The following EIF4ENIF1 variants were observed in gnomAD, a reference collection of about 807,000 sequenced individuals.
The protein encoded by EIF4ENIF1 is eukaryotic translation initiation factor 4E transporter.
In EIF4ENIF1, 23 loss-of-function variants were observed where a neutral mutation model predicts 110.5. The observed-to-expected ratio is 0.21, with a 90% confidence interval of 0.15 to 0.29. EIF4ENIF1 has a LOEUF of 0.29. Among genes scored for constraint, EIF4ENIF1 ranks in the 10% least tolerant of loss-of-function variants. EIF4ENIF1 has a pLI of 1.00. For synonymous variants in EIF4ENIF1, 440 were observed against 437.0 expected (o/e 1.01, Z -0.09); for missense variants, 1,031 against 1,221.1 (o/e 0.84, Z 2.32).
chr22:31,456,223 CT>C (rs36001621), intron 7 of EIF4ENIF1, among the ~76,000 whole-genome samples: 25,286 of 130,632 alleles, frequency 0.19, 1,476 homozygotes, highest in East Asian at 0.38. Flanking sequence ...TTTTTTATTA[CT>C]TTTTTTTTTT....
rs11913433 is a variant in EIF4ENIF1, at chr22:31,477,135, G to A, written c.97-5218C>T. 6.0e-3 allele frequency among the ~76,000 whole-genome samples: 913 copies of A among 151,436 alleles called. 7 individuals carry two copies. The highest frequency in any genetic ancestry group is 0.019 in the African/African-American group (803 of 41,340). ...ACCTGTCTCAAAAAAAAAAGAGGCC[G>A]GACGTATTACTTGAGGTCAGGAGTT... On this transcript the variant is annotated intron_variant, in intron 2 of 18. Transcript: ENST00000330125.
chr22:31,468,391 G>A, intron 3 of EIF4ENIF1, 89 bp from the exon 4 acceptor site: 2 of 1,562,662 alleles, frequency 1.3e-6, no homozygotes, highest in East Asian at 2.3e-5. Context: ...TAATAGTTAT[G>A]GAAACCCATT....
intron 4 of EIF4ENIF1, among the ~76,000 whole-genome samples, chr22:31,465,945 A>G (rs1436327241): frequency 6.6e-6 from 1 of 152,232 alleles, no homozygotes; most frequent in African/African-American, 2.4e-5. Context: ...AATCCTAGGA[A>G]ATGTAAACTA....
At chr22:31,462,881 C>A (rs55832810) in intron 6 of EIF4ENIF1, 51 bp downstream of exon 6, 41 of 1,589,344 alleles carry the variant, frequency 2.6e-5, no homozygotes, top group Admixed American at 1.0e-4. Context: ...CCACGCCCAG[C>A]CTACATCTCA....
chr22:31,446,847 T>G, intron 14 of EIF4ENIF1: 1 of 295,662 alleles, frequency 3.4e-6, no homozygotes, highest in Non-Finnish European at 7.0e-6. Context: ...CCCTAACTTA[T>G]GATTAATTTC....
chr22:31,456,810 A>C (rs2050846636), intron 7 of EIF4ENIF1, among the ~76,000 whole-genome samples: 1 of 152,164 alleles, frequency 6.6e-6, no homozygotes, highest in African/African-American at 2.4e-5. Context: ...ATGAACCACC[A>C]CTACTTTCTA....
intron 2 of EIF4ENIF1, among the ~76,000 whole-genome samples, chr22:31,482,850 C>T (rs1044540811): frequency 2.0e-5 from 3 of 150,608 alleles, no homozygotes; most frequent in African/African-American, 7.3e-5. Flanking sequence ...GGTGAAACCC[C>T]ATCTCTACTA....
intron 4 of EIF4ENIF1, among the ~76,000 whole-genome samples, chr22:31,467,180 T>C (rs1270849674): frequency 6.6e-6 from 1 of 152,212 alleles, no homozygotes; most frequent in Admixed American, 6.5e-5. Flanking sequence ...ATCATTTTAA[T>C]AAAGTCTCTG....
chr22:31,455,308 C>A lies in EIF4ENIF1; in HGVS notation c.1107G>T (p.Glu369Asp). 6.4e-7 allele frequency: 1 copy of A among 1,569,750 alleles called. No homozygotes were observed. Among genetic ancestry groups the A allele is most frequent in the Non-Finnish European group, 8.6e-7 (1 of 1,158,866 alleles). ...TCTGTCCAGGAGAGAGGATGGCTTG[C>A]TCCAGACCTGATATTGCAAATAAAC... ...HEELERLAGLEQAILSPGQNS... is the reference protein window; with the variant it reads ...HEELERLAGLDQAILSPGQNS... The change falls in exon 9 of 19, where the codon GAG becomes GAT. Residue 369 changes from glutamate (E) to aspartate (D), a missense_variant. Physicochemically the swap from Glu to Asp is conservative, Grantham distance 45. This residue lies in a region of EIF4ENIF1 where 704 missense variants were observed against 879.7 expected (regional missense o/e 0.80). Coordinates refer to ENST00000330125, the MANE Select transcript of EIF4ENIF1 (RefSeq NM_019843.4).
At chr22:31,451,616 C>T (rs142729880) in intron 10 of EIF4ENIF1, among the ~76,000 whole-genome samples, 47 of 151,824 alleles carry the variant, frequency 3.1e-4, no homozygotes, top group African/African-American at 1.1e-3. Context: ...ATGGGTATCA[C>T]ATACAGGGCA....
At chr22:31,486,161 T>G (rs1177986072) in intron 2 of EIF4ENIF1, among the ~76,000 whole-genome samples, 1 of 151,960 alleles carries the variant, frequency 6.6e-6, no homozygotes, top group South Asian at 2.1e-4. Context: ...TCCCAGCTAC[T>G]TGGGAGGCTG....
chr22:31,438,530 A>G (rs1229644763), downstream of EIF4ENIF1, among the ~76,000 whole-genome samples: 2 of 152,144 alleles, frequency 1.3e-5, no homozygotes, highest in Non-Finnish European at 2.9e-5. Context: ...TACCATATGT[A>G]ATAGATGATT....
chr22:31,445,669 G>A lies in EIF4ENIF1; in HGVS notation c.1989-979C>T, dbSNP rs542788652. Among the ~76,000 whole-genome samples the A allele has an allele frequency of 5.5e-4, 84 of 152,268 alleles. No individual in the cohort carries two copies. The South Asian group carries it at 7.9e-3, about 14-fold the overall frequency. On this transcript the variant is annotated intron_variant, in intron 14 of 18. Coordinates refer to ENST00000330125, the MANE Select transcript of EIF4ENIF1 (RefSeq NM_019843.4). ...AAGAAAAATAATCTCTGGCCTCATGGAGGTTACATTCTTGGGGCTGCAGGA... is the reference window on the plus strand; with the variant it reads ...AAGAAAAATAATCTCTGGCCTCATGAAGGTTACATTCTTGGGGCTGCAGGA...
intron 6 of EIF4ENIF1, among the ~76,000 whole-genome samples, chr22:31,460,005 A>AT (rs2050941625): frequency 6.6e-6 from 1 of 152,138 alleles, no homozygotes. Flanking sequence ...GAAAAACATA[A>AT]TTTTTTCTCA....
Position 31,441,981 on chromosome 22 carries a change from C to A in EIF4ENIF1, c.2344G>T (p.Asp782Tyr), listed in dbSNP as rs1340563680. 3.1e-6 allele frequency: 5 copies of A among 1,614,036 alleles called. No individual in the cohort carries two copies. Among genetic ancestry groups the A allele is most frequent in the Non-Finnish European group, 4.2e-6 (5 of 1,180,038 alleles). ...CTCCCAGTTGCTTTAGGTCGATAAT[C>A]TTGTTCTTTGGTGTAACGGTTGGCC... ...SQANRYTKEQ[D>Y]YRPKATGRKT... Residue 782 changes from aspartate to tyrosine, a missense_variant, in exon 17 of 19, where the codon GAT (aspartate) becomes TAT (tyrosine). Coordinates refer to ENST00000330125, the MANE Select transcript of EIF4ENIF1 (RefSeq NM_019843.4).
intron 2 of EIF4ENIF1, among the ~76,000 whole-genome samples, chr22:31,483,167 G>A (rs930839700): frequency 6.7e-6 from 1 of 149,600 alleles, no homozygotes; most frequent in African/African-American, 2.5e-5. Context: ...AAGGGCTTCT[G>A]GTGAAGAAAA....
chr22:31,468,318 TAC>T lies in EIF4ENIF1; in HGVS notation c.171-18_171-17del. 6.2e-7 allele frequency: 1 copy of T among 1,614,092 alleles called. No individual in the cohort carries two copies. The highest frequency in any genetic ancestry group is 1.6e-4 in the Middle Eastern group (1 of 6,062). ...GACACCATCACTACAGGTCAAAAAA[TAC>T]AACTGTTAGCACTTACGCCCATGAA... On this transcript the variant is annotated splice_polypyrimidine_tract_variant and intron_variant, in intron 3 of 18. Coordinates refer to ENST00000330125, the MANE Select transcript of EIF4ENIF1 (RefSeq NM_019843.4).
At chr22:31,454,466 A>G (rs2050758863) in intron 9 of EIF4ENIF1, 90 bp from the exon 10 acceptor site, 1 of 1,089,712 alleles carries the variant, frequency 9.2e-7, no homozygotes, top group Non-Finnish European at 1.3e-6. Context: ...AGATGAAAAT[A>G]ATTTATTTCA....
At chr22:31,463,624 C>G (rs1163825889) in intron 5 of EIF4ENIF1, 57 bp downstream of exon 5, 2 of 1,443,290 alleles carry the variant, frequency 1.4e-6, no homozygotes, top group African/African-American at 3.2e-5. Context: ...CCAGCCTGGG[C>G]AACAAGAGCG....
Sources: allele counts gnomAD v4.1 joint callset (sites outside exome capture counted in the v4.1 genomes callset), GRCh38; gene constraint gnomAD v4.1.1; regional missense constraint gnomAD v4.1.1; transcripts MANE v1.5; gene names NCBI Gene and HGNC (gene_info 2026-07-23, HGNC 2026-07-21).